CNTNAP2: variants seen among roughly 807,000 people sequenced by gnomAD.
CNTNAP2 encodes contactin-associated protein-like 2.
Under a neutral mutation model 155.2 loss-of-function variants are expected in CNTNAP2, and 98 were observed. That is an observed-to-expected ratio of 0.63 (90% CI 0.54 to 0.75). CNTNAP2 has a LOEUF of 0.75. Ranked by LOEUF, CNTNAP2 falls within the 30% of genes least tolerant of loss-of-function variation. The pLI is 0.00. For missense variants in CNTNAP2, 1,727 were observed against 1,688.1 expected (o/e 1.02, Z -0.40); for synonymous variants, 651 against 631.2 (o/e 1.03, Z -0.47).
intron 3 of CNTNAP2, among the ~76,000 whole-genome samples, chr7:146,895,842 C>T (rs1483164744): frequency 6.6e-6 from 1 of 151,930 alleles, no homozygotes; most frequent in African/African-American, 2.4e-5. Context: ...AGCTTCAGTC[C>T]CCGACGGCAT....
intron 1 of CNTNAP2, among the ~76,000 whole-genome samples, chr7:146,519,840 A>G (rs1797592666): frequency 6.6e-6 from 1 of 151,864 alleles, no homozygotes; most frequent in African/African-American, 2.4e-5. Flanking sequence ...ATGAAACCCC[A>G]TGAATTAGTA....
At chr7:147,787,468 AG>A (rs1797757816) in intron 13 of CNTNAP2, among the ~76,000 whole-genome samples, 1 of 152,252 alleles carries the variant, frequency 6.6e-6, no homozygotes, top group South Asian at 2.1e-4. Context: ...ATTCCAAAAT[AG>A]TCATTGTATA....
intron 15 of CNTNAP2, among the ~76,000 whole-genome samples, chr7:148,023,195 A>C (rs1802315914): frequency 6.6e-6 from 1 of 152,198 alleles, no homozygotes; most frequent in East Asian, 1.9e-4. Context: ...AAAAGCAAAA[A>C]GGGGAGACAA....
chr7:147,212,684 A>C (rs752777070), intron 8 of CNTNAP2, among the ~76,000 whole-genome samples: 1 of 152,144 alleles, frequency 6.6e-6, no homozygotes, highest in Non-Finnish European at 1.5e-5. Flanking sequence ...AAACCTCAGC[A>C]TCACAAATAT....
At chr7:147,144,155 T>G (rs1158132017) in intron 8 of CNTNAP2, among the ~76,000 whole-genome samples, 1 of 152,176 alleles carries the variant, frequency 6.6e-6, no homozygotes, top group Non-Finnish European at 1.5e-5. Flanking sequence ...CTTTGTTAAG[T>G]GAAATGGCAT....
At chr7:146,686,143 T>G (rs1800594970) in intron 1 of CNTNAP2, among the ~76,000 whole-genome samples, 1 of 151,888 alleles carries the variant, frequency 6.6e-6, no homozygotes, top group Non-Finnish European at 1.5e-5. Context: ...CAAAATAATT[T>G]TTTAAAAAAT....
intron 21 of CNTNAP2, among the ~76,000 whole-genome samples, chr7:148,277,792 AAG>A (rs368010097): frequency 0.021 from 3,093 of 147,694 alleles, 64 homozygotes; most frequent in African/African-American, 0.051. Flanking sequence ...AGAAAGAAAA[AAG>A]AAAAAAAGAA....
intron 1 of CNTNAP2, among the ~76,000 whole-genome samples, chr7:146,657,708 G>T (rs1240957847): frequency 6.6e-6 from 1 of 151,938 alleles, no homozygotes; most frequent in Non-Finnish European, 1.5e-5. Context: ...TAGATCTAAG[G>T]TACAGACCTC....
chr7:147,163,092 T>C (rs1802058828), intron 8 of CNTNAP2, among the ~76,000 whole-genome samples: 1 of 152,148 alleles, frequency 6.6e-6, no homozygotes, highest in Admixed American at 6.5e-5. Flanking sequence ...GAAATGAAAT[T>C]CAGGCTGTAG....
At chr7:148,188,238 T>A (rs1795150536) in intron 18 of CNTNAP2, among the ~76,000 whole-genome samples, 1 of 152,180 alleles carries the variant, frequency 6.6e-6, no homozygotes, top group Non-Finnish European at 1.5e-5. Flanking sequence ...GCCATTCTAT[T>A]CTATTACAGC....
chr7:148,362,091 C>G (rs1020386592), intron 21 of CNTNAP2, among the ~76,000 whole-genome samples: 1 of 152,108 alleles, frequency 6.6e-6, no homozygotes, highest in African/African-American at 2.4e-5. Flanking sequence ...TGCCTGTAGT[C>G]TCAGCTACTT....
chr7:146,705,505 C>A (rs1477356694), intron 1 of CNTNAP2, among the ~76,000 whole-genome samples: 2 of 152,070 alleles, frequency 1.3e-5, no homozygotes, highest in African/African-American at 2.4e-5. Flanking sequence ...CAAAATGCTC[C>A]ACCTCCTAAT....
At chr7:148,252,329 A>C (rs1327749009) in intron 20 of CNTNAP2, among the ~76,000 whole-genome samples, 1 of 152,078 alleles carries the variant, frequency 6.6e-6, no homozygotes, top group Non-Finnish European at 1.5e-5. Flanking sequence ...CACATGAACT[A>C]ATTCGTCAGC....
At chr7:148,349,696 A>G (rs1214005871) in intron 21 of CNTNAP2, among the ~76,000 whole-genome samples, 1 of 152,110 alleles carries the variant, frequency 6.6e-6, no homozygotes. Flanking sequence ...CCACCGCGCC[A>G]GGCCAAAATC....
chr7:148,323,912 G>A (rs1168171767), intron 21 of CNTNAP2, among the ~76,000 whole-genome samples: 2 of 124,060 alleles, frequency 1.6e-5, no homozygotes, highest in East Asian at 2.3e-4. Flanking sequence ...TTGAGACGGA[G>A]TTTCACTCTT....
chr7:148,349,337 T>G (rs572506921), intron 21 of CNTNAP2, among the ~76,000 whole-genome samples: 1 of 151,632 alleles, frequency 6.6e-6, no homozygotes, highest in Admixed American at 6.6e-5. Flanking sequence ...AGAATTGTTT[T>G]GGGCCACACG....
At chr7:146,488,275 TCCTCCCTC>T (rs1235706711) in intron 1 of CNTNAP2, among the ~76,000 whole-genome samples, 2 of 28,402 alleles carry the variant, frequency 7.0e-5, no homozygotes, top group African/African-American at 2.1e-4. Context: ...TCCCCTCCCC[TCCTCCCTC>T]CCTCCCTCCC....
At chr7:146,773,237 T>C (rs1023482042) in intron 1 of CNTNAP2, among the ~76,000 whole-genome samples, 1 of 152,236 alleles carries the variant, frequency 6.6e-6, no homozygotes, top group Non-Finnish European at 1.5e-5. Flanking sequence ...AATGACATTA[T>C]AAAAGCCAAG....
At chr7:147,568,311 A>T (rs1455970276) in intron 12 of CNTNAP2, among the ~76,000 whole-genome samples, 1 of 152,168 alleles carries the variant, frequency 6.6e-6, no homozygotes, top group Non-Finnish European at 1.5e-5. Context: ...TTTCTTGCTA[A>T]GTTTGACATA....
Sources: allele counts gnomAD v4.1 joint callset (sites outside exome capture counted in the v4.1 genomes callset), GRCh38; gene constraint gnomAD v4.1.1; transcripts MANE v1.5; gene names NCBI Gene and HGNC (gene_info 2026-07-23, HGNC 2026-07-21).